KXD1: variants seen among roughly 807,000 people sequenced by gnomAD.
KXD1 encodes KxDL motif containing 1, also known as kxDL motif-containing protein 1.
Under a neutral mutation model 12.1 loss-of-function variants are expected in KXD1, and 5 were observed. That is an observed-to-expected ratio of 0.41 (90% CI 0.22 to 0.87). KXD1 has a LOEUF of 0.87. Among genes scored for constraint, KXD1 ranks in the 40% least tolerant of loss-of-function variants. The pLI is 0.31. For synonymous variants in KXD1, 98 were observed against 100.5 expected, an observed-to-expected ratio of 0.98 and a Z score of 0.15; for missense variants, 193 against 244.9, an observed-to-expected ratio of 0.79 and a Z score of 1.41.
chr19:18,565,282 T>G (rs1600583457), intron 3 of KXD1: 1 of 958,674 alleles, frequency 1.0e-6, no homozygotes, highest in Non-Finnish European at 1.4e-6. Context: ...CAGGCTGGAG[T>G]GCAGTGGCGC....
chr19:18,562,310 C>G (rs1974955282), intron 2 of KXD1, among the ~76,000 whole-genome samples, 153 bp downstream of exon 2: 1 of 152,216 alleles, frequency 6.6e-6, no homozygotes, highest in Non-Finnish European at 1.5e-5. Context: ...TCCTTCCCGG[C>G]CTGGAGGCGA....
At chr19:18,564,476 C>T (rs975200819) in intron 2 of KXD1, among the ~76,000 whole-genome samples, 3 of 152,030 alleles carry the variant, frequency 2.0e-5, no homozygotes, top group Non-Finnish European at 2.9e-5. Flanking sequence ...AAAAAATTAG[C>T]CAGGCATGGT....
chr19:18,561,875 C>T (rs887849676), intron 1 of KXD1, 161 bp from the exon 2 acceptor site: 21 of 508,026 alleles, frequency 4.1e-5, no homozygotes, highest in Non-Finnish European at 5.9e-5. Flanking sequence ...GGGTGGCACA[C>T]CTGAGGTTCA....
At chr19:18,567,234 C>A (rs1191793831) in intron 4 of KXD1, 56 bp downstream of exon 4, 1 of 1,583,176 alleles carries the variant, frequency 6.3e-7, no homozygotes, top group Non-Finnish European at 8.7e-7. Context: ...CCACCCAGGG[C>A]AGGCTTCTGG....
chr19:18,558,489 C>T (rs892806680), intron 1 of KXD1: 2 of 152,126 alleles, frequency 1.3e-5, no homozygotes, highest in African/African-American at 2.4e-5. Context: ...TTAGAGGCCC[C>T]TGGGATGCTC....
rs1025729670 is a variant in KXD1, at chr19:18,568,982, G to A, written c.*351G>A. On this transcript the variant is annotated 3_prime_UTR_variant, in exon 5 of 5. Transcript: ENST00000222307. The stretch of plus-strand genomic sequence containing the variant: ...AGGTTCCCAGACACCAGAGCCAGAT[G>A]TCCCCCACCACCGGTCAGGACCTCC... The A allele has an allele frequency of 2.0e-5, 6 of 296,240 alleles. No individual in the cohort carries two copies. The highest frequency in any genetic ancestry group is 1.3e-4 in the African/African-American group (6 of 46,386). 18.4% of individuals were successfully genotyped at this position (296,240 alleles called of 1,614,324 possible). A position where few individuals can be genotyped will look rare whatever the true frequency, so the allele number is the denominator to read the frequency against.
chr19:18,564,169 G>A (rs1975079321), intron 2 of KXD1, among the ~76,000 whole-genome samples: 2 of 152,056 alleles, frequency 1.3e-5, no homozygotes, highest in Admixed American at 6.6e-5. Flanking sequence ...GCAGGCATGA[G>A]CCCCCATGCC....
rs1247460044 is a variant in KXD1 at position 18,568,702 on chromosome 19, TG to T, written c.*72del. ...AAGGTGGCAGCGGGTAACCCTGCCTTGTTCTGTCATCCAGGGCTCCTTTGCT... is the reference window on the plus strand; with the variant it reads ...AAGGTGGCAGCGGGTAACCCTGCCTTTTCTGTCATCCAGGGCTCCTTTGCT... On this transcript the variant is annotated 3_prime_UTR_variant, in exon 5 of 5. Coordinates refer to ENST00000222307, the MANE Select transcript of KXD1 (RefSeq NM_024069.4). 5.9e-6 allele frequency: 7 copies of T among 1,182,316 alleles called. No homozygotes were observed. The highest frequency in any genetic ancestry group is 2.0e-5 in the Admixed American group (1 of 50,056). The allele number at this position is 1,182,316 out of a possible 1,614,324, so 73.2% of individuals were successfully genotyped here. A position where few individuals can be genotyped will look rare whatever the true frequency, so the allele number is the denominator to read the frequency against.
intron 2 of KXD1, among the ~76,000 whole-genome samples, chr19:18,564,183 C>T (rs1335992586): frequency 6.6e-6 from 1 of 152,140 alleles, no homozygotes; most frequent in South Asian, 2.1e-4. Context: ...CCATGCCCGG[C>T]TGGTCTCCTG....
intron 2 of KXD1, among the ~76,000 whole-genome samples, chr19:18,563,208 C>T (rs1055691356): frequency 2.0e-5 from 3 of 152,166 alleles, no homozygotes; most frequent in Non-Finnish European, 4.4e-5. Context: ...CACAGCCTCC[C>T]GCAGCTTTGT....
rs1026144903 is a variant in KXD1 at position 18,563,705 on chromosome 19, C to T, written c.102-1164C>T. ...TTTTAGTAGAGACGGGGTTTCACCA[C>T]GTTGACCAGAATGGTCTCAATCTCT... On this transcript the variant is annotated intron_variant, in intron 2 of 4. Coordinates refer to ENST00000222307, the MANE Select transcript of KXD1 (RefSeq NM_024069.4). Among the ~76,000 whole-genome samples, 5 of 152,160 alleles carry T rather than the reference C, an allele frequency of 3.3e-5. 1 individual carries two copies. Among genetic ancestry groups the T allele is most frequent in the South Asian group, 4.2e-4 (2 of 4,812 alleles).
intron 1 of KXD1, among the ~76,000 whole-genome samples, chr19:18,560,721 T>G (rs1167035568): frequency 1.3e-5 from 2 of 152,148 alleles, no homozygotes; most frequent in South Asian, 2.1e-4. Context: ...CTTCTTTTTT[T>G]TTTTTGAGAC....
chr19:18,564,805 TGGGCCAGGTTGGGCA>T, intron 2 of KXD1, 49 bp from the exon 3 acceptor site: 14 of 1,585,292 alleles, frequency 8.8e-6, no homozygotes, highest in Non-Finnish European at 1.2e-5. Flanking sequence ...AACAGTCTTC[TGGGCCAGGTTGGGCA>T]GGGCCCTGAA....
chr19:18,559,539 A>G (rs1974842255), intron 1 of KXD1: 2 of 150,164 alleles, frequency 1.3e-5, no homozygotes, highest in Non-Finnish European at 1.5e-5. Context: ...AATTTCCCAG[A>G]AAAAAAAAAT....
chr19:18,566,654 A>G (rs921207525), intron 3 of KXD1, among the ~76,000 whole-genome samples: 2 of 150,958 alleles, frequency 1.3e-5, no homozygotes, highest in Non-Finnish European at 3.0e-5. Context: ...TCAGCTGAGC[A>G]TGGTGGCACG....
chr19:18,568,395 C>A lies in KXD1; in HGVS notation c.302-7C>A. 1 of 1,608,078 alleles carries A rather than the reference C, an allele frequency of 6.2e-7. No individual in the cohort carries two copies. The highest frequency in any genetic ancestry group is 2.2e-5 in the East Asian group (1 of 44,838). On this transcript the variant is annotated splice_polypyrimidine_tract_variant and splice_region_variant and intron_variant, in intron 4 of 4. Transcript: ENST00000222307. ...ACAAAACCAACTCTTGGGCCTCCTT[C>A]CCCCAGATATCCCAGAGGCATCCTT...
In KXD1 at chr19:18,566,846, G is replaced by A. The variant is rs187614475; in HGVS notation, c.255-286G>A. Among the ~76,000 whole-genome samples, 103 of 152,168 alleles carry A rather than the reference G, an allele frequency of 6.8e-4. 2 individuals carry two copies. Among genetic ancestry groups the A allele is most frequent in the Non-Finnish European group, 1.8e-4 (12 of 68,004 alleles). ...GAGGCCACATGTAAGAAGCAGCCTC[G>A]CAGGGGGAGCCCCCAGCCAGTGCCT... On this transcript the variant is annotated intron_variant, in intron 3 of 4. Transcript: ENST00000222307.
intron 1 of KXD1, chr19:18,559,910 CTT>C (rs202019334): frequency 1.4e-5 from 2 of 147,218 alleles, no homozygotes; most frequent in African/African-American, 2.5e-5. Flanking sequence ...GTCTCTCTCT[CTT>C]TCTCTCCTCT....
chr19:18,563,195 A>C (rs1600570910), intron 2 of KXD1, among the ~76,000 whole-genome samples: 1 of 152,250 alleles, frequency 6.6e-6, no homozygotes, highest in African/African-American at 2.4e-5. Context: ...CTTGGAGTGG[A>C]AGCACAGCCT....
Sources: allele counts gnomAD v4.1 joint callset (sites outside exome capture counted in the v4.1 genomes callset), GRCh38; gene constraint gnomAD v4.1.1; transcripts MANE v1.5; gene names NCBI Gene and HGNC (gene_info 2026-07-23, HGNC 2026-07-21).